Variants in TENM3 observed in about 807,000 individuals in gnomAD.
TENM3 encodes the protein teneurin-3.
In TENM3, 63 loss-of-function variants were observed where a neutral mutation model predicts 255.1. That is an observed-to-expected ratio of 0.25 (90% CI 0.20 to 0.30). The LOEUF is 0.30. Among genes scored for constraint, TENM3 ranks in the 10% least tolerant of loss-of-function variants. TENM3 has a pLI of 1.00. For missense variants in TENM3, 2,929 were observed against 3,461.1 expected, an observed-to-expected ratio of 0.85 and a Z score of 3.86; for synonymous variants, 1,306 against 1,322.3, an observed-to-expected ratio of 0.99 and a Z score of 0.27.
the TENM3 span, among the ~76,000 whole-genome samples, chr4:181,977,500 C>A: frequency 9.9e-5 from 15 of 152,144 alleles, no homozygotes; most frequent in African/African-American, 3.6e-4. Flanking sequence ...GGGAATGGAT[C>A]ATTTGGAAAA....
chr4:182,731,983 A>T (rs540555588), intron 16 of TENM3, among the ~76,000 whole-genome samples: 1 of 151,646 alleles, frequency 6.6e-6, no homozygotes, highest in Non-Finnish European at 1.5e-5. Context: ...GGGTTTCATC[A>T]TGTTGGCCAG....
intron 6 of TENM3, among the ~76,000 whole-genome samples, chr4:182,661,027 G>T (rs2152529479): frequency 6.6e-6 from 1 of 152,160 alleles, no homozygotes; most frequent in African/African-American, 2.4e-5. Flanking sequence ...TGAAATAAAA[G>T]GCTATATATT....
At chr4:182,038,813 A>C in the TENM3 span, among the ~76,000 whole-genome samples, 45 of 152,268 alleles carry the variant, frequency 3.0e-4, no homozygotes, top group African/African-American at 9.9e-4. Flanking sequence ...GACTCACTGC[A>C]ACCTCTGCCT....
chr4:182,014,703 T>A, the TENM3 span, among the ~76,000 whole-genome samples: 1 of 152,042 alleles, frequency 6.6e-6, no homozygotes, highest in African/African-American at 2.4e-5. Flanking sequence ...GCAGTATGGA[T>A]GGGGCACTGG....
At chr4:182,370,553 T>G (rs1766733222) in intron 3 of TENM3, among the ~76,000 whole-genome samples, 1 of 152,212 alleles carries the variant, frequency 6.6e-6, no homozygotes, top group Non-Finnish European at 1.5e-5. Flanking sequence ...GACAATAACA[T>G]TTCCCCTTTC....
chr4:182,335,187 A>C (rs1025408199), intron 2 of TENM3, among the ~76,000 whole-genome samples: 2 of 150,344 alleles, frequency 1.3e-5, no homozygotes, highest in African/African-American at 4.9e-5. Flanking sequence ...GTTATACTTG[A>C]CCATACTTAG....
the TENM3 span, among the ~76,000 whole-genome samples, chr4:181,653,662 G>A: frequency 1.3e-5 from 2 of 149,724 alleles, no homozygotes; most frequent in East Asian, 4.0e-4. Flanking sequence ...GCCTCCCAAA[G>A]TGTTAGGATT....
the TENM3 span, among the ~76,000 whole-genome samples, chr4:181,994,323 C>T: frequency 6.6e-6 from 1 of 151,978 alleles, no homozygotes; most frequent in African/African-American, 2.4e-5. Flanking sequence ...CATTCAGATG[C>T]CTTTGAATAG....
At chr4:182,724,484 C>T (rs1008800754) in intron 13 of TENM3, among the ~76,000 whole-genome samples, 1 of 152,186 alleles carries the variant, frequency 6.6e-6, no homozygotes, top group African/African-American at 2.4e-5. Context: ...AACAGTGTGT[C>T]CCTGCACCTT....
chr4:182,587,797 CTG>C (rs2152380028), intron 3 of TENM3, among the ~76,000 whole-genome samples: 1 of 152,160 alleles, frequency 6.6e-6, no homozygotes, highest in East Asian at 1.9e-4. Flanking sequence ...ACATTAAAAT[CTG>C]AAATAAATTT....
At chr4:182,461,450 G>C (rs1342275573) in intron 3 of TENM3, among the ~76,000 whole-genome samples, 5 of 152,206 alleles carry the variant, frequency 3.3e-5, no homozygotes, top group Admixed American at 2.0e-4. Context: ...AGAAAAGTGG[G>C]TTGGAACCAG....
At chr4:182,606,523 CAAAAAAAAAAAAA>C (rs746315807) in intron 4 of TENM3, among the ~76,000 whole-genome samples, 9 of 51,730 alleles carry the variant, frequency 1.7e-4, no homozygotes, top group African/African-American at 7.3e-4. Context: ...GACTCTGTCT[CAAAAAAAAAAAAA>C]AAAAAAAAAA....
intron 1 of TENM3, among the ~76,000 whole-genome samples, chr4:182,212,520 T>TAA (rs5864772): frequency 5.3e-4 from 79 of 149,356 alleles, no homozygotes; most frequent in African/African-American, 1.1e-3. Flanking sequence ...CTCAGCTACT[T>TAA]AAAAAAAAAA....
chr4:182,008,690 G>A, the TENM3 span, among the ~76,000 whole-genome samples: 1 of 151,902 alleles, frequency 6.6e-6, no homozygotes, highest in Non-Finnish European at 1.5e-5. Context: ...ACTCATCATA[G>A]TTTTTTATTA....
chr4:181,629,832 C>T, the TENM3 span, among the ~76,000 whole-genome samples: 1 of 152,190 alleles, frequency 6.6e-6, no homozygotes, highest in Non-Finnish European at 1.5e-5. Context: ...GCTTTGCTAT[C>T]AGGATGATGC....
At chr4:181,743,694 A>C in the TENM3 span, among the ~76,000 whole-genome samples, 1 of 152,174 alleles carries the variant, frequency 6.6e-6, no homozygotes, top group Non-Finnish European at 1.5e-5. Flanking sequence ...AGGGGGGGCC[A>C]CACATAAATT....
chr4:182,236,356 T>A (rs766737535), intron 1 of TENM3, among the ~76,000 whole-genome samples: 4 of 152,244 alleles, frequency 2.6e-5, no homozygotes, highest in Non-Finnish European at 5.9e-5. Flanking sequence ...TCATCACTCC[T>A]GCATCAGTGT....
chr4:182,604,472 T>G (rs962107581), intron 4 of TENM3, among the ~76,000 whole-genome samples: 4 of 152,230 alleles, frequency 2.6e-5, no homozygotes, highest in Non-Finnish European at 2.9e-5. Flanking sequence ...GCTTGCCCTT[T>G]GTTTATTTTA....
chr4:181,540,863 C>A, the TENM3 span, among the ~76,000 whole-genome samples: 1 of 151,974 alleles, frequency 6.6e-6, no homozygotes, highest in Non-Finnish European at 1.5e-5. Flanking sequence ...CAGAGGAAAT[C>A]TGAATAAAGT....
Sources: gnomAD v4.1 joint callset for allele counts (sites outside exome capture counted in the v4.1 genomes callset) on GRCh38, gnomAD v4.1.1 for gene constraint, MANE v1.5 for transcripts, NCBI Gene and HGNC (gene_info 2026-07-23, HGNC 2026-07-21) for gene names.